Variants in CNIH3 observed in about 807,000 individuals in gnomAD.
CNIH3 encodes the protein cornichon family AMPA receptor auxiliary protein 3.
A neutral mutation model predicts 24.1 loss-of-function variants in CNIH3; 14 were observed. That is an observed-to-expected ratio of 0.58 (90% CI 0.38 to 0.91). The LOEUF is 0.91. Ranked by LOEUF, CNIH3 falls within the 40% of genes least tolerant of loss-of-function variation. The pLI is 0.00. For synonymous variants in CNIH3, 68 were observed against 73.8 expected, an observed-to-expected ratio of 0.92 and a Z score of 0.40; for missense variants, 178 against 196.8, an observed-to-expected ratio of 0.90 and a Z score of 0.57.
At chr1:224,562,628 A>G (rs1156589941) in intron 3 of CNIH3, among the ~76,000 whole-genome samples, 2 of 152,206 alleles carry the variant, frequency 1.3e-5, no homozygotes, top group African/African-American at 4.8e-5. Flanking sequence ...TCAGGTGGGC[A>G]GATCCCTCAT....
At chr1:224,438,537 T>C (rs1674764356) in intron 1 of CNIH3, among the ~76,000 whole-genome samples, 1 of 152,236 alleles carries the variant, frequency 6.6e-6, no homozygotes, top group Non-Finnish European at 1.5e-5. Context: ...CTTAGCAACA[T>C]TGATATTTAA....
At chr1:224,677,298 C>G (rs1686185811) in intron 1 of CNIH3, among the ~76,000 whole-genome samples, 1 of 152,190 alleles carries the variant, frequency 6.6e-6, no homozygotes, top group African/African-American at 2.4e-5. Context: ...CACACTGTAG[C>G]ACAGTGGCCT....
At chr1:224,682,269 T>G (rs1304513089) in intron 2 of CNIH3, among the ~76,000 whole-genome samples, 2 of 152,202 alleles carry the variant, frequency 1.3e-5, no homozygotes, top group Non-Finnish European at 2.9e-5. Context: ...GAGACAGGCA[T>G]CATTAACCCA....
At chr1:224,586,197 T>G (rs1681500391) in intron 5 of CNIH3, among the ~76,000 whole-genome samples, 1 of 152,194 alleles carries the variant, frequency 6.6e-6, no homozygotes, top group Non-Finnish European at 1.5e-5. Flanking sequence ...TTTAGGGCTA[T>G]GTATTAGCCC....
chr1:224,646,284 T>C (rs547816140), intron 1 of CNIH3, among the ~76,000 whole-genome samples: 1 of 152,358 alleles, frequency 6.6e-6, no homozygotes, highest in South Asian at 2.1e-4. Flanking sequence ...AAGAAAGAAC[T>C]GAGGCAACGT....
At chr1:224,520,111 T>A (rs1207144385) in intron 1 of CNIH3, among the ~76,000 whole-genome samples, 1 of 152,140 alleles carries the variant, frequency 6.6e-6, no homozygotes. Context: ...CTGGCACCAT[T>A]TACTATTATT....
intron 4 of CNIH3, among the ~76,000 whole-genome samples, chr1:224,571,674 G>A (rs912587592): frequency 4.6e-5 from 7 of 152,126 alleles, no homozygotes; most frequent in Non-Finnish European, 7.4e-5. Context: ...GCAGTGAGGC[G>A]AGATCGCACC....
intron 3 of CNIH3, among the ~76,000 whole-genome samples, chr1:224,551,046 C>T (rs1045467878): frequency 9.2e-5 from 14 of 151,862 alleles, no homozygotes; most frequent in African/African-American, 2.4e-4. Context: ...GTTAGAATGG[C>T]GATCATTAAA....
At chr1:224,454,186 G>A in intron 1 of CNIH3, 1 of 551,808 alleles carries the variant, frequency 1.8e-6, no homozygotes, top group East Asian at 1.5e-4. Flanking sequence ...GGTTCCTTGA[G>A]TAAAAGGTGC....
chr1:224,739,580 C>A lies in CNIH3; in HGVS notation c.*224C>A. 1 of 773,366 alleles carries A rather than the reference C, an allele frequency of 1.3e-6. No homozygotes were observed. The highest frequency in any genetic ancestry group is 2.0e-6 in the Non-Finnish European group (1 of 492,982). 47.9% of individuals were successfully genotyped at this position (773,366 alleles called of 1,614,324 possible). On this transcript the variant is annotated 3_prime_UTR_variant, in exon 6 of 6. Coordinates refer to ENST00000272133, the MANE Select transcript of CNIH3 (RefSeq NM_152495.2). ...TTGTCAATCTTTGGCATTCGAATTC[C>A]ACACACGGGGTCCTAGAGCCCTTCT...
chr1:224,614,822 C>T (rs1337363474), upstream of CNIH3, among the ~76,000 whole-genome samples: 1 of 151,708 alleles, frequency 6.6e-6, no homozygotes, highest in East Asian at 1.9e-4. Flanking sequence ...TGGTGCGTGC[C>T]TGTAGTCCCA....
chr1:224,739,003 C>T (rs1689735750), intron 5 of CNIH3, among the ~76,000 whole-genome samples: 2 of 152,294 alleles, frequency 1.3e-5, no homozygotes, highest in South Asian at 4.1e-4. Context: ...CCACCTCCAC[C>T]CCCAGACCTG....
At chr1:224,702,219 T>G (rs1010071871) in intron 3 of CNIH3, among the ~76,000 whole-genome samples, 17 of 152,232 alleles carry the variant, frequency 1.1e-4, no homozygotes, top group African/African-American at 3.9e-4. Flanking sequence ...TAAAAATAAT[T>G]ACACAAGCTT....
At chr1:224,493,815 T>G (rs773290604) in intron 1 of CNIH3, among the ~76,000 whole-genome samples, 2 of 152,070 alleles carry the variant, frequency 1.3e-5, no homozygotes, top group Non-Finnish European at 2.9e-5. Flanking sequence ...GATTCCTTTC[T>G]CCTCTCACGC....
At chr1:224,681,857 C>T (rs1192858921) in intron 2 of CNIH3, among the ~76,000 whole-genome samples, 1 of 152,176 alleles carries the variant, frequency 6.6e-6, no homozygotes, top group East Asian at 1.9e-4. Flanking sequence ...ACAGTTCATT[C>T]AAGTGTGTTT....
At chr1:224,692,623 G>A (rs1323581058) in intron 3 of CNIH3, among the ~76,000 whole-genome samples, 2 of 152,170 alleles carry the variant, frequency 1.3e-5, no homozygotes, top group African/African-American at 4.8e-5. Context: ...GCCTTTAAAA[G>A]TATTAACTCC....
chr1:224,529,343 AG>A (rs1678970802), intron 2 of CNIH3: 1 of 152,220 alleles, frequency 6.6e-6, no homozygotes, highest in African/African-American at 2.4e-5. Flanking sequence ...CATAAAATCC[AG>A]CTCCTGCAGG....
intron 2 of CNIH3, among the ~76,000 whole-genome samples, chr1:224,536,011 AG>A (rs1679267806): frequency 6.6e-6 from 1 of 152,204 alleles, no homozygotes; most frequent in Non-Finnish European, 1.5e-5. Flanking sequence ...TGGAGGGTAA[AG>A]GAACCTGTGG....
chr1:224,664,643 C>G (rs1685512205), intron 1 of CNIH3: 1 of 152,066 alleles, frequency 6.6e-6, no homozygotes, highest in African/African-American at 2.4e-5. Flanking sequence ...AGTTTGTTTC[C>G]CCTGAGAAAC....
Sources: gnomAD v4.1 joint callset for allele counts (sites outside exome capture counted in the v4.1 genomes callset) on GRCh38, gnomAD v4.1.1 for gene constraint, MANE v1.5 for transcripts, NCBI Gene and HGNC (gene_info 2026-07-23, HGNC 2026-07-21) for gene names.